ASB18: variants seen among roughly 807,000 people sequenced by gnomAD.
The protein encoded by ASB18 is ankyrin repeat and SOCS box containing 18, also known as ankyrin repeat and SOCS box protein 18.
In ASB18, 33 loss-of-function variants were observed where a neutral mutation model predicts 33.4. That is an observed-to-expected ratio of 0.99 (90% CI 0.75 to 1.32). ASB18 has a LOEUF of 1.32. ASB18 is among the 40% of genes most tolerant of loss of function. ASB18 has a pLI of 0.00. For missense variants in ASB18, 694 were observed against 655.5 expected (o/e 1.06, Z -0.64); for synonymous variants, 295 against 307.6 (o/e 0.96, Z 0.43).
At position 236,202,792 on chromosome 2, in the gene ASB18, A is replaced by AT. The variant is rs1443591751; in HGVS notation, c.1102-6408_1102-6407insA. Among the ~76,000 whole-genome samples, 235 of 114,078 alleles carry AT rather than the reference A, an allele frequency of 2.1e-3. 2 individuals are homozygous for AT. Among genetic ancestry groups the AT allele is most frequent in the African/African-American group, 7.3e-3 (177 of 24,130 alleles). The allele number at this position is 114,078 out of a possible 152,430, so 74.8% of individuals were successfully genotyped here. A position where few individuals can be genotyped will look rare whatever the true frequency, so the allele number is the denominator to read the frequency against. Reference sequence around the variant, plus strand: ...GACTCCGTCTCAAAAAAAAAAAAAAAAAATATATATATATATATATATACA... The same window carrying AT: ...GACTCCGTCTCAAAAAAAAAAAAAAATAAATATATATATATATATATATACA... On this transcript the variant is annotated intron_variant, in intron 4 of 5. Coordinates refer to ENST00000409749, the MANE Select transcript of ASB18 (RefSeq NM_212556.4).
In ASB18 at chr2:236,252,384, A is replaced by G. The variant is rs1399674883; in HGVS notation, c.206-10982T>C. 6.6e-6 allele frequency among the ~76,000 whole-genome samples: 1 copy of G among 151,888 alleles called. No individual in the cohort carries two copies. Among genetic ancestry groups the G allele is most frequent in the African/African-American group, 2.4e-5 (1 of 41,376 alleles). On this transcript the variant is annotated intron_variant, in intron 1 of 5. Coordinates refer to ENST00000409749, the MANE Select transcript of ASB18 (RefSeq NM_212556.4). This position sits in a 1 kb window ranked among gnomAD's most constrained non-coding sequence, Gnocchi z 7.9. Reference sequence around the variant, plus strand: ...GTGGCCACCATCAACTAGCGGTGGAATCAGATCACTGCTATATGGAGGTAC... The same window carrying G: ...GTGGCCACCATCAACTAGCGGTGGAGTCAGATCACTGCTATATGGAGGTAC...
At position 236,241,136 on chromosome 2, in the gene ASB18, G is replaced by C; in HGVS notation, c.328+144C>G. 1.2e-6 allele frequency: 1 copy of C among 836,678 alleles called. No individual in the cohort carries two copies. Among genetic ancestry groups the C allele is most frequent in the Admixed American group, 2.3e-5 (1 of 43,678 alleles). 51.8% of individuals were successfully genotyped at this position (836,678 alleles called of 1,614,324 possible). On this transcript the variant is annotated intron_variant, in intron 2 of 5. Transcript: ENST00000409749. The surrounding 1 kb of genome is among the most constrained non-coding windows in gnomAD (Gnocchi z 4.2). ...TCACCTAAAACCTACACTTTACTGCGAGCAAACTTCATCAGATGTCCTTTT... is the reference window on the plus strand; with the variant it reads ...TCACCTAAAACCTACACTTTACTGCCAGCAAACTTCATCAGATGTCCTTTT...
chr2:236,220,026 G>A lies in ASB18; in HGVS notation c.597-5160C>T, dbSNP rs534352137. Among the ~76,000 whole-genome samples, 86 of 152,168 alleles carry A rather than the reference G, an allele frequency of 5.7e-4. No homozygotes were observed. The highest frequency in any genetic ancestry group is 9.1e-4 in the Non-Finnish European group (62 of 68,034). ...CTCTGGGTGCCTCATCTCTGTTTTC[G>A]ATAATGACTGCAATGACAGGTTGTT... On this transcript the variant is annotated intron_variant, in intron 3 of 5. Coordinates refer to ENST00000409749, the MANE Select transcript of ASB18 (RefSeq NM_212556.4). The surrounding 1 kb of genome is among the most constrained non-coding windows in gnomAD (Gnocchi z 5.1).
In ASB18 at chr2:236,203,747, A is replaced by G. The variant is rs1186183021; in HGVS notation, c.1102-7362T>C. 6.6e-6 allele frequency among the ~76,000 whole-genome samples: 1 copy of G among 152,112 alleles called. No homozygotes were observed. The highest frequency in any genetic ancestry group is 2.4e-5 in the African/African-American group (1 of 41,398). ...CTGGGTGTGATGGTGTGCATCTGTAATCCCAGCTACCCAGGAGACTGAGGT... is the reference window on the plus strand; with the variant it reads ...CTGGGTGTGATGGTGTGCATCTGTAGTCCCAGCTACCCAGGAGACTGAGGT... On this transcript the variant is annotated intron_variant, in intron 4 of 5. Transcript: ENST00000409749. The surrounding 1 kb of genome is among the most constrained non-coding windows in gnomAD (Gnocchi z 6.0).
chr2:236,199,821 T>C (rs1323971607), intron 4 of ASB18, among the ~76,000 whole-genome samples: 2 of 152,100 alleles, frequency 1.3e-5, no homozygotes, highest in African/African-American at 4.8e-5. Context: ...TTTTAACAAG[T>C]AGACCATTAT....
Position 236,195,076 on chromosome 2 carries a change from G to A in ASB18, c.1216-19C>T. 6.3e-7 allele frequency: 1 copy of A among 1,599,292 alleles called. No homozygotes were observed. Among genetic ancestry groups the A allele is most frequent in the Non-Finnish European group, 8.5e-7 (1 of 1,170,932 alleles). On this transcript the variant is annotated intron_variant, in intron 5 of 5. Transcript: ENST00000409749. This position sits in a 1 kb window ranked among gnomAD's most constrained non-coding sequence, Gnocchi z 5.5. ...TGTGCATCTGGAAGGGAAGGCAGGT[G>A]GATTAGAAATCTGGGCACGTGGAAC...
rs1471038425 is a variant in ASB18, at chr2:236,237,454, A to G, written c.596+235T>C. ...CGCGGGGCGAGGGCCGGGAGGTGCC[A>G]GGTCTGGGGTCCCGGGTCAGGGATC... On this transcript the variant is annotated intron_variant, in intron 3 of 5. Coordinates refer to ENST00000409749, the MANE Select transcript of ASB18 (RefSeq NM_212556.4). This position sits in a 1 kb window ranked among gnomAD's most constrained non-coding sequence, Gnocchi z 6.2. 6.9e-6 allele frequency among the ~76,000 whole-genome samples: 1 copy of G among 145,894 alleles called. No homozygotes were observed. Among genetic ancestry groups the G allele is most frequent in the African/African-American group, 2.5e-5 (1 of 39,784 alleles).
chr2:236,245,949 G>A lies in ASB18; in HGVS notation c.206-4547C>T, dbSNP rs970159392. ...GAAGAACACCATAACGTGGACGCTC[G>A]GCTGGCCTAGGGCAGGTCTCAGGTG... On this transcript the variant is annotated intron_variant, in intron 1 of 5. Transcript: ENST00000409749. The surrounding 1 kb of genome is among the most constrained non-coding windows in gnomAD (Gnocchi z 4.7). 2.6e-5 allele frequency among the ~76,000 whole-genome samples: 4 copies of A among 152,118 alleles called. No individual in the cohort carries two copies. Among genetic ancestry groups the A allele is most frequent in the African/African-American group, 7.2e-5 (3 of 41,402 alleles).
chr2:236,195,021 C>G lies in ASB18; in HGVS notation c.1252G>C (p.Ala418Pro). Residue 418 changes from alanine (A) to proline (P), a missense_variant, in exon 6 of 6, where the codon GCC (alanine) becomes CCC (proline). By Grantham distance (27) the Ala-to-Pro change is conservative (BLOSUM62 -1). Coordinates refer to ENST00000409749, the MANE Select transcript of ASB18 (RefSeq NM_212556.4). The surrounding 1 kb of genome is among the most constrained non-coding windows in gnomAD (Gnocchi z 5.5). ...TGCTGCAGGCAGCGTGGGGTGAGGGCCAAGGCAAAGAGGGACTGGTAGAAC... is the reference window on the plus strand; with the variant it reads ...TGCTGCAGGCAGCGTGGGGTGAGGGGCAAGGCAAAGAGGGACTGGTAGAAC... ...KPFYQSLFAL[A>P]LTPRCLQHLC... 6.2e-7 allele frequency: 1 copy of G among 1,613,348 alleles called. No homozygotes were observed. Among genetic ancestry groups the G allele is most frequent in the East Asian group, 2.2e-5 (1 of 44,868 alleles).
chr2:236,229,585 T>C lies in ASB18; in HGVS notation c.596+8104A>G, dbSNP rs1331603441. On this transcript the variant is annotated intron_variant, in intron 3 of 5. Coordinates refer to ENST00000409749, the MANE Select transcript of ASB18 (RefSeq NM_212556.4). This position sits in a 1 kb window ranked among gnomAD's most constrained non-coding sequence, Gnocchi z 5.2. ...TGCCTGGCATGGTGGCTCACACCTC[T>C]AATCCCAGCACTTTGAGAGGCCAAG... 6.6e-6 allele frequency among the ~76,000 whole-genome samples: 1 copy of C among 152,206 alleles called. No individual in the cohort carries two copies. Among genetic ancestry groups the C allele is most frequent in the Admixed American group, 6.5e-5 (1 of 15,274 alleles).
At chr2:236,232,091 G>T (rs186589453) in intron 3 of ASB18, among the ~76,000 whole-genome samples, 21 of 152,150 alleles carry the variant, frequency 1.4e-4, no homozygotes, top group African/African-American at 5.1e-4. Context: ...ATTTATCAAG[G>T]TATAGCATAT....
chr2:236,207,093 C>G (rs2060437953), intron 4 of ASB18, among the ~76,000 whole-genome samples: 1 of 152,232 alleles, frequency 6.6e-6, no homozygotes, highest in Admixed American at 6.5e-5. Flanking sequence ...CTGAGTCCGA[C>G]TAGAAGCCAG....
At position 236,235,190 on chromosome 2, in the gene ASB18, T is replaced by C. The variant is rs1022261482; in HGVS notation, c.596+2499A>G. On this transcript the variant is annotated intron_variant, in intron 3 of 5. Transcript: ENST00000409749. The surrounding 1 kb of genome is among the most constrained non-coding windows in gnomAD (Gnocchi z 6.2). Reference sequence around the variant, plus strand: ...ATGTCCCTTATAACAATGGTTTTGGTCAACAACAGACCACATATACAATAG... The same window carrying C: ...ATGTCCCTTATAACAATGGTTTTGGCCAACAACAGACCACATATACAATAG... Among the ~76,000 whole-genome samples, 4 of 152,220 alleles carry C rather than the reference T, an allele frequency of 2.6e-5. No homozygotes were observed. Among genetic ancestry groups the C allele is most frequent in the African/African-American group, 9.6e-5 (4 of 41,464 alleles).
At position 236,250,972 on chromosome 2, in the gene ASB18, A is replaced by G. The variant is rs1048552873; in HGVS notation, c.206-9570T>C. Among the ~76,000 whole-genome samples, 34 of 152,344 alleles carry G rather than the reference A, an allele frequency of 2.2e-4. No individual in the cohort carries two copies. The highest frequency in any genetic ancestry group is 8.2e-4 in the African/African-American group (34 of 41,578). Reference sequence around the variant, plus strand: ...AGATCAAGTGCATCTATTAATAATGACTTAAATTGTCTGTGCTGATTTCAC... The same window carrying G: ...AGATCAAGTGCATCTATTAATAATGGCTTAAATTGTCTGTGCTGATTTCAC... On this transcript the variant is annotated intron_variant, in intron 1 of 5. Coordinates refer to ENST00000409749, the MANE Select transcript of ASB18 (RefSeq NM_212556.4). The surrounding 1 kb of genome is among the most constrained non-coding windows in gnomAD (Gnocchi z 4.1).
chr2:236,214,484 C>T lies in ASB18; in HGVS notation c.979G>A (p.Ala327Thr). ...ADAGALDYGG[A>T]SPLGRVLQTA... Reference sequence around the variant, plus strand: ...TGGAGCACGCGGCCCAGCGGCGAGGCCCCGCCATAGTCGAGCGCGCCCGCG... The same window carrying T: ...TGGAGCACGCGGCCCAGCGGCGAGGTCCCGCCATAGTCGAGCGCGCCCGCG... Residue 327 changes from alanine to threonine, a missense_variant, in exon 4 of 6, where the codon GCC becomes ACC. Ala to Thr is a moderately conservative substitution (Grantham distance 58). Coordinates refer to ENST00000409749, the MANE Select transcript of ASB18 (RefSeq NM_212556.4). This position sits in a 1 kb window ranked among gnomAD's most constrained non-coding sequence, Gnocchi z 6.5. The T allele has an allele frequency of 6.6e-7, 1 of 1,512,810 alleles. No individual in the cohort carries two copies. The highest frequency in any genetic ancestry group is 2.6e-5 in the East Asian group (1 of 37,940). The allele number at this position is 1,512,810 out of a possible 1,614,324, so 93.7% of individuals were successfully genotyped here.
In ASB18 at chr2:236,237,766, C is replaced by CTGTGTG; in HGVS notation, c.518_519insCACACA (p.Leu172_Gln173insHisThr). 2.1e-6 allele frequency: 3 copies of CTGTGTG among 1,448,490 alleles called. No homozygotes were observed. The highest frequency in any genetic ancestry group is 2.7e-6 in the Non-Finnish European group (3 of 1,105,364). 89.7% of individuals were successfully genotyped at this position (1,448,490 alleles called of 1,614,324 possible). A position where few individuals can be genotyped will look rare whatever the true frequency, so the allele number is the denominator to read the frequency against. The stretch of plus-strand genomic sequence containing the variant: ...TGAGCAGGTCGGGGTCGGCGCGGTG[C>CTGTGTG]TGCAGCAGCAGGCGGACGCAGGCGG... On this transcript the variant is annotated inframe_insertion, in exon 3 of 6. Coordinates refer to ENST00000409749, the MANE Select transcript of ASB18 (RefSeq NM_212556.4). This position sits in a 1 kb window ranked among gnomAD's most constrained non-coding sequence, Gnocchi z 6.2.
Position 236,259,716 on chromosome 2 carries a change from C to T in ASB18, c.205+4425G>A, listed in dbSNP as rs775324999. 38 of 399,260 alleles carry T rather than the reference C, an allele frequency of 9.5e-5. No homozygotes were observed. The Admixed American group carries it at 1.0e-3, about 11-fold the overall frequency. 24.7% of individuals were successfully genotyped at this position (399,260 alleles called of 1,614,324 possible). On this transcript the variant is annotated intron_variant, in intron 1 of 5. Transcript: ENST00000409749. The surrounding 1 kb of genome is among the most constrained non-coding windows in gnomAD (Gnocchi z 4.4). ...CAGCAGGATGTTGGGCATCTCAGGT[C>T]CATCCTTGCAGGAGAGCAGGTGCCT...
chr2:236,242,574 C>G (rs1312669608), intron 1 of ASB18, among the ~76,000 whole-genome samples: 3 of 152,206 alleles, frequency 2.0e-5, no homozygotes, highest in Non-Finnish European at 4.4e-5. Flanking sequence ...CCTACTTCAG[C>G]CTCCTGTGTA....
Position 236,205,370 on chromosome 2 carries a change from C to G in ASB18, c.1102-8985G>C, listed in dbSNP as rs1195202945. Among the ~76,000 whole-genome samples the G allele has an allele frequency of 6.6e-6, 1 of 152,208 alleles. No homozygotes were observed. The highest frequency in any genetic ancestry group is 2.4e-5 in the African/African-American group (1 of 41,456). The stretch of plus-strand genomic sequence containing the variant: ...TACAGATGGCTGGTCCTCTGCTGGG[C>G]TGCTCTTCCCCAGACATCCACACAG... On this transcript the variant is annotated intron_variant, in intron 4 of 5. Coordinates refer to ENST00000409749, the MANE Select transcript of ASB18 (RefSeq NM_212556.4). The surrounding 1 kb of genome is among the most constrained non-coding windows in gnomAD (Gnocchi z 5.4).
Sources: allele counts gnomAD v4.1 joint callset (sites outside exome capture counted in the v4.1 genomes callset), GRCh38; gene constraint gnomAD v4.1.1; non-coding constraint Gnocchi (gnomAD v3.1); transcripts MANE v1.5; gene names NCBI Gene and HGNC (gene_info 2026-07-23, HGNC 2026-07-21).